Variants in STON2 observed in about 807,000 individuals in gnomAD.
The protein encoded by STON2 is stonin-2.
Under a neutral mutation model 65.7 loss-of-function variants are expected in STON2, and 29 were observed. The observed-to-expected ratio is 0.44, with a 90% confidence interval of 0.33 to 0.60. The LOEUF (loss-of-function observed/expected upper bound fraction) is 0.60. Ranked by LOEUF, STON2 falls within the 20% of genes least tolerant of loss-of-function variation. The pLI, the probability that STON2 is intolerant of heterozygous loss-of-function variation, is 0.03. For missense variants in STON2, 1,054 were observed against 1,118.1 expected (o/e 0.94, Z 0.82); for synonymous variants, 404 against 414.2 (o/e 0.98, Z 0.30).
chr14:81,364,549 C>A (rs79448004), intron 4 of STON2, among the ~76,000 whole-genome samples: 2,261 of 152,132 alleles, frequency 0.015, 38 homozygotes, highest in South Asian at 0.061. Context: ...CTGTACACCA[C>A]GATCTGACCA....
chr14:81,363,175 T>C (rs1453057320), intron 4 of STON2, among the ~76,000 whole-genome samples: 3 of 152,238 alleles, frequency 2.0e-5, no homozygotes, highest in African/African-American at 4.8e-5. Flanking sequence ...TTAACCTCTT[T>C]AGCTGTTGTT....
chr14:81,331,508 G>C (rs75997188), intron 4 of STON2, among the ~76,000 whole-genome samples: 1 of 152,046 alleles, frequency 6.6e-6, no homozygotes, highest in Non-Finnish European at 1.5e-5. Context: ...TGGGAGGGGG[G>C]GTACAGAGCC....
intron 4 of STON2, among the ~76,000 whole-genome samples, chr14:81,365,312 C>T (rs1898671336): frequency 6.6e-6 from 1 of 152,112 alleles, no homozygotes; most frequent in African/African-American, 2.4e-5. Flanking sequence ...GTTTGGCAGA[C>T]CACCACCTGC....
chr14:81,386,572 A>AT (rs1899818685), intron 3 of STON2, among the ~76,000 whole-genome samples: 1 of 152,248 alleles, frequency 6.6e-6, no homozygotes, highest in South Asian at 2.1e-4. Context: ...CGTTTGAAGC[A>AT]TAAGGGAATA....
chr14:81,390,971 T>C (rs1900051733), intron 3 of STON2, among the ~76,000 whole-genome samples: 1 of 152,196 alleles, frequency 6.6e-6, no homozygotes, highest in Non-Finnish European at 1.5e-5. Context: ...ATTTTCAAAT[T>C]TCTTTCTGTT....
At chr14:81,367,269 C>T (rs1231517031) in intron 4 of STON2, among the ~76,000 whole-genome samples, 1 of 152,132 alleles carries the variant, frequency 6.6e-6, no homozygotes, top group Non-Finnish European at 1.5e-5. Context: ...GCCTCCGCCT[C>T]CTGGGTTCAA....
At chr14:81,270,352 T>A in intron 7 of STON2, 1 of 1,283,818 alleles carries the variant, frequency 7.8e-7, no homozygotes, top group Non-Finnish European at 9.9e-7. Flanking sequence ...CCCAAAGTGC[T>A]GGGATTACAG....
intron 3 of STON2, chr14:81,394,964 A>C (rs1284816986): frequency 2.6e-5 from 4 of 152,224 alleles, no homozygotes; most frequent in Non-Finnish European, 5.9e-5. Context: ...ATACAGTCCC[A>C]AAGCTTATCC....
At position 81,289,343 on chromosome 14, in the gene STON2, C is replaced by A. The variant is rs548234921; in HGVS notation, c.743-10604G>T. On this transcript the variant is annotated intron_variant, in intron 5 of 7. Coordinates refer to ENST00000614646, the MANE Select transcript of STON2 (RefSeq NM_001394390.1). ...AATTGCCACGGAAGGTAAAGGCTCA[C>A]CGTTGCAATAGTTAGAAGACAGAAA... is the stretch of plus-strand genomic sequence containing the variant. Among the ~76,000 whole-genome samples, 386 of 152,144 alleles carry A rather than the reference C, an allele frequency of 2.5e-3. 3 individuals carry two copies. The highest frequency in any genetic ancestry group is 9.1e-3 in the African/African-American group (376 of 41,472).
intron 4 of STON2, among the ~76,000 whole-genome samples, chr14:81,332,810 CA>C (rs951080126): frequency 1.4e-4 from 21 of 152,124 alleles, no homozygotes; most frequent in Non-Finnish European, 5.9e-5. Flanking sequence ...TTTATTATAT[CA>C]GTCATTATTT....
chr14:81,264,158 T>C lies in STON2; in HGVS notation c.*4256A>G. On this transcript the variant is annotated 3_prime_UTR_variant, in exon 8 of 8. Coordinates refer to ENST00000614646, the MANE Select transcript of STON2 (RefSeq NM_001394390.1). ...AATCACCGTGACTATGGACAGCATC[T>C]ATGCTACTATGCTTTGGGGCACAAA... 1 of 985,460 alleles carries C rather than the reference T, an allele frequency of 1.0e-6. No individual in the cohort carries two copies. The highest frequency in any genetic ancestry group is 4.7e-5 in the South Asian group (1 of 21,292). 61.0% of individuals were successfully genotyped at this position (985,460 alleles called of 1,614,324 possible). A position where few individuals can be genotyped will look rare whatever the true frequency, so the allele number is the denominator to read the frequency against.
chr14:81,416,999 G>A (rs1304559481), intron 2 of STON2, among the ~76,000 whole-genome samples: 1 of 151,990 alleles, frequency 6.6e-6, no homozygotes, highest in Admixed American at 6.6e-5. Context: ...AAAAACATAG[G>A]GTTTTATTTC....
intron 5 of STON2, among the ~76,000 whole-genome samples, chr14:81,323,170 A>G (rs936171074): frequency 1.3e-5 from 2 of 152,228 alleles, no homozygotes; most frequent in African/African-American, 4.8e-5. Flanking sequence ...TTCACATGTC[A>G]GTGCAATCAA....
intron 5 of STON2, among the ~76,000 whole-genome samples, chr14:81,314,885 C>A (rs950437586): frequency 6.6e-6 from 1 of 152,012 alleles, no homozygotes; most frequent in Non-Finnish European, 1.5e-5. Flanking sequence ...GGGTATTACT[C>A]TGTTGCCCAA....
intron 5 of STON2, among the ~76,000 whole-genome samples, chr14:81,296,673 T>A (rs1246520428): frequency 6.6e-6 from 1 of 152,168 alleles, no homozygotes; most frequent in Non-Finnish European, 1.5e-5. Flanking sequence ...CTTACTTAAC[T>A]GTAGGGCAGG....
intron 5 of STON2, among the ~76,000 whole-genome samples, chr14:81,279,510 G>T (rs998541736): frequency 6.6e-6 from 1 of 152,112 alleles, no homozygotes; most frequent in Non-Finnish European, 1.5e-5. Flanking sequence ...CCAACGTGGT[G>T]AAACCCAATG....
At chr14:81,356,936 T>G (rs919780621) in intron 4 of STON2, among the ~76,000 whole-genome samples, 7 of 152,186 alleles carry the variant, frequency 4.6e-5, no homozygotes, top group Non-Finnish European at 7.3e-5. Context: ...TCTATCAATT[T>G]TGTTGATCCT....
rs181402364 is a variant in STON2 at position 81,366,054 on chromosome 14, C to T, written c.571+4934G>A. Among the ~76,000 whole-genome samples, 1,231 of 152,254 alleles carry T rather than the reference C, an allele frequency of 8.1e-3. 22 individuals carry two copies. Among genetic ancestry groups the T allele is most frequent in the Non-Finnish European group, 7.2e-3 (487 of 68,026 alleles). On this transcript the variant is annotated intron_variant, in intron 4 of 7. Coordinates refer to ENST00000614646, the MANE Select transcript of STON2 (RefSeq NM_001394390.1). ...GAGTGAAATGTTGTTTGGGATTTTG[C>T]CTATTAACAATTCTCCTGCCATTCG...
intron 7 of STON2, 101 bp from the exon 8 acceptor site, chr14:81,268,598 T>C (rs1339177275): frequency 9.5e-6 from 12 of 1,260,576 alleles, no homozygotes; most frequent in Non-Finnish European, 1.1e-5. Flanking sequence ...AAATTTCTTA[T>C]AATTTTGCTA....
Sources: gnomAD v4.1 joint callset for allele counts (sites outside exome capture counted in the v4.1 genomes callset) on GRCh38, gnomAD v4.1.1 for gene constraint, MANE v1.5 for transcripts, NCBI Gene and HGNC (gene_info 2026-07-23, HGNC 2026-07-21) for gene names.